Variants in CCDC150 observed in about 807,000 individuals in gnomAD.
CCDC150 encodes coiled-coil domain containing 150.
A neutral mutation model predicts 156.5 loss-of-function variants in CCDC150; 151 were observed. That is an observed-to-expected ratio of 0.97 (90% CI 0.85 to 1.10). The LOEUF is 1.10. CCDC150 is among the 50% of genes least tolerant of loss of function. The pLI, the probability that CCDC150 is intolerant of heterozygous loss-of-function variation, is 0.00. For synonymous variants in CCDC150, 452 were observed against 429.4 expected, an observed-to-expected ratio of 1.05 and a Z score of -0.65; for missense variants, 1,312 against 1,268.1, an observed-to-expected ratio of 1.03 and a Z score of -0.53.
chr2:196,718,575 G>A lies in CCDC150; in HGVS notation c.1939G>A (p.Glu647Lys). 6.2e-7 allele frequency: 1 copy of A among 1,613,888 alleles called. No homozygotes were observed. The highest frequency in any genetic ancestry group is 8.5e-7 in the Non-Finnish European group (1 of 1,179,816). ...TVKCRNAALK[E>K]SQKLKEDLEA... ...GAAGTGTCGTAATGCGGCCCTGAAA[G>A]AGAGTCAGAAGTTGAAAGAAGACCT... Residue 647 changes from glutamate to lysine, a missense_variant, in exon 18 of 28, where the codon GAG (glutamate) becomes AAG (lysine). Transcript: ENST00000389175.
intron 13 of CCDC150, among the ~76,000 whole-genome samples, chr2:196,684,288 C>T (rs961805184): frequency 6.6e-6 from 1 of 151,948 alleles, no homozygotes; most frequent in Non-Finnish European, 1.5e-5. Flanking sequence ...TTTAATTTCC[C>T]TTGAGATTTC....
At chr2:196,684,672 A>G (rs575558440) in intron 13 of CCDC150, among the ~76,000 whole-genome samples, 1 of 152,074 alleles carries the variant, frequency 6.6e-6, no homozygotes, top group South Asian at 2.1e-4. Flanking sequence ...ATTACTGTTA[A>G]ATTATTTATT....
chr2:196,644,389 C>G (rs1335865850), intron 1 of CCDC150, among the ~76,000 whole-genome samples: 1 of 152,118 alleles, frequency 6.6e-6, no homozygotes, highest in Non-Finnish European at 1.5e-5. Context: ...CATTGTTACC[C>G]CTCCATTTTT....
chr2:196,706,418 A>G (rs905776879), intron 15 of CCDC150, among the ~76,000 whole-genome samples: 6 of 152,228 alleles, frequency 3.9e-5, no homozygotes, highest in Non-Finnish European at 8.8e-5. Flanking sequence ...TTGGGCTGAG[A>G]CAATGGGGTT....
intron 7 of CCDC150, 62 bp from the exon 8 acceptor site, chr2:196,669,771 A>G: frequency 9.2e-7 from 1 of 1,089,856 alleles, no homozygotes; most frequent in Non-Finnish European, 1.4e-6. Flanking sequence ...AAAGCTTCTC[A>G]CTATGTGATT....
chr2:196,730,101 C>G lies in CCDC150; in HGVS notation c.2965C>G (p.Leu989Val). The G allele has an allele frequency of 6.2e-7, 1 of 1,606,412 alleles. No homozygotes were observed. Among genetic ancestry groups the G allele is most frequent in the Non-Finnish European group, 8.5e-7 (1 of 1,177,172 alleles). ...AGCAGAGCGGAAAATAAGGCAGGAG[C>G]TAGAGAATCGGTGCCAGGTAAAAGG... ...LEAERKIRQE[L>V]ENRCQELEET... The change falls in exon 25 of 28, where the codon CTA (leucine) becomes GTA (valine). Residue 989 changes from leucine to valine, a missense_variant. Leu to Val is a conservative substitution (Grantham distance 32). Transcript: ENST00000389175.
At chr2:196,667,087 G>T in intron 7 of CCDC150, 1 of 503,830 alleles carries the variant, frequency 2.0e-6, no homozygotes, top group Non-Finnish European at 3.6e-6. Context: ...TTTCCAGCTT[G>T]TTTGTGGACC....
At chr2:196,654,245 G>A (rs1187090018) in intron 2 of CCDC150, among the ~76,000 whole-genome samples, 3 of 152,036 alleles carry the variant, frequency 2.0e-5, no homozygotes, top group Non-Finnish European at 4.4e-5. Context: ...CATCTTATTT[G>A]TTGTCCTTTG....
At chr2:196,691,108 G>A (rs1490650779) in intron 13 of CCDC150, among the ~76,000 whole-genome samples, 1 of 152,164 alleles carries the variant, frequency 6.6e-6, no homozygotes, top group East Asian at 1.9e-4. Context: ...CAGTTTGCCA[G>A]TATTTCACTG....
intron 13 of CCDC150, among the ~76,000 whole-genome samples, chr2:196,694,243 A>G (rs913578942): frequency 1.3e-5 from 2 of 151,874 alleles, no homozygotes; most frequent in Non-Finnish European, 2.9e-5. Flanking sequence ...TTTAGTAGCA[A>G]TGAGGTTTCT....
chr2:196,695,084 T>G lies in CCDC150; in HGVS notation c.1548T>G (p.Leu516=). 1.9e-6 allele frequency: 3 copies of G among 1,611,994 alleles called. No homozygotes were observed. Among genetic ancestry groups the G allele is most frequent in the Non-Finnish European group, 2.5e-6 (3 of 1,178,582 alleles). ...INTLTHNLQT[L]EEENKHLADQ... ...CATTAACTCATAACCTGCAGACTCT[T>G]GAAGAAGAGAATAAGCACCTGGCAG... Residue 516 remains leucine, a synonymous_variant, in exon 14 of 28, where the codon CTT becomes CTG. Transcript: ENST00000389175.
chr2:196,703,526 A>G (rs1363788735), intron 15 of CCDC150, among the ~76,000 whole-genome samples: 1 of 152,160 alleles, frequency 6.6e-6, no homozygotes, highest in Non-Finnish European at 1.5e-5. Flanking sequence ...TCTACTTCTC[A>G]TTGGGAAAAA....
chr2:196,731,365 C>T (rs142497875), intron 26 of CCDC150, among the ~76,000 whole-genome samples: 97 of 147,488 alleles, frequency 6.6e-4, no homozygotes, highest in African/African-American at 2.3e-3. Flanking sequence ...CTTAAATTAG[C>T]CTTTTGGGGG....
intron 15 of CCDC150, among the ~76,000 whole-genome samples, chr2:196,709,594 T>G (rs1262765964): frequency 6.6e-6 from 1 of 152,190 alleles, no homozygotes; most frequent in East Asian, 1.9e-4. Flanking sequence ...CACTCTGGTT[T>G]TTAGAATTTT....
At chr2:196,691,704 A>C (rs1695488837) in intron 13 of CCDC150, among the ~76,000 whole-genome samples, 2 of 151,778 alleles carry the variant, frequency 1.3e-5, no homozygotes, top group African/African-American at 4.8e-5. Context: ...GCACTTTGGG[A>C]GGCCGAGGCA....
intron 2 of CCDC150, among the ~76,000 whole-genome samples, chr2:196,648,487 GT>G (rs1559212546): frequency 6.6e-6 from 1 of 151,890 alleles, no homozygotes; most frequent in Non-Finnish European, 1.5e-5. Flanking sequence ...AAATAAGGTT[GT>G]TTTCTTGTTA....
Position 196,712,713 on chromosome 2 carries a change from C to T in CCDC150, c.1840C>T (p.Gln614Ter). 1 of 1,611,062 alleles carries T rather than the reference C, an allele frequency of 6.2e-7. No individual in the cohort carries two copies. Among genetic ancestry groups the T allele is most frequent in the South Asian group, 1.1e-5 (1 of 90,304 alleles). Residue 614 changes from glutamine (Q) to a stop codon, truncating the protein, a stop_gained, in exon 17 of 28, where the codon CAG becomes TAG. Transcript: ENST00000389175. LOFTEE classifies it high-confidence loss of function. The part of the protein sequence containing the change: ...SELSAKRVHL[Q>*]QADAHLKEVK... ...ACTCAGTGCCAAGAGGGTACACCTG[C>T]AGCAGGCAGATGCTCACCTGAAAGA...
chr2:196,666,890 T>C (rs757290554), intron 7 of CCDC150, 42 bp downstream of exon 7: 1 of 1,611,438 alleles, frequency 6.2e-7, no homozygotes, highest in East Asian at 2.2e-5. Context: ...TGTTAGTTTT[T>C]GGAGATTTCA....
At chr2:196,648,615 T>G (rs1692682884) in intron 2 of CCDC150, among the ~76,000 whole-genome samples, 1 of 152,228 alleles carries the variant, frequency 6.6e-6, no homozygotes, top group African/African-American at 2.4e-5. Context: ...TTGTTTTGAT[T>G]GCTGTGCAGA....
Sources: gnomAD v4.1 joint callset for allele counts (sites outside exome capture counted in the v4.1 genomes callset) on GRCh38, gnomAD v4.1.1 for gene constraint, MANE v1.5 for transcripts, NCBI Gene and HGNC (gene_info 2026-07-23, HGNC 2026-07-21) for gene names.